PARP10: variants seen among roughly 807,000 people sequenced by gnomAD.
PARP10 encodes the protein protein mono-ADP-ribosyltransferase PARP10.
Under a neutral mutation model 82.4 loss-of-function variants are expected in PARP10, and 56 were observed. The observed-to-expected ratio is 0.68, with a 90% CI of 0.55 to 0.85. The LOEUF is 0.85. Among genes scored for constraint, PARP10 ranks in the 40% least tolerant of loss-of-function variants. PARP10 has a pLI of 0.00. For synonymous variants in PARP10, 576 were observed against 601.1 expected, an observed-to-expected ratio of 0.96 and a Z score of 0.61; for missense variants, 1,227 against 1,379.4, an observed-to-expected ratio of 0.89 and a Z score of 1.75.
upstream of PARP10, among the ~76,000 whole-genome samples, chr8:143,987,980 G>A (rs1338255566): frequency 2.0e-5 from 3 of 150,608 alleles, no homozygotes; most frequent in Admixed American, 1.3e-4. Context: ...CTGGCCCCAT[G>A]CCCCCTGCAC....
upstream of PARP10, chr8:143,991,886 A>C (rs1554750566): frequency 1.9e-6 from 3 of 1,611,314 alleles, no homozygotes; most frequent in Admixed American, 1.7e-5. Context: ...AGGTGTTCCT[A>C]GTGCTGACCT....
chr8:143,994,949 G>C (rs1260856868), upstream of PARP10, among the ~76,000 whole-genome samples: 1 of 119,644 alleles, frequency 8.4e-6, no homozygotes, highest in African/African-American at 3.8e-5. Flanking sequence ...GAGAACGTCA[G>C]GGCGGGGGCA....
Position 143,984,442 on chromosome 8 carries a change from A to G in PARP10, c.1459-11T>C. On this transcript the variant is annotated splice_polypyrimidine_tract_variant and intron_variant, in intron 5 of 10. Transcript: ENST00000313028. Reference sequence around the variant, plus strand: ...CTGGGCTCCACAGAGCTGCAGGGCCATTGCAGAGATGGAGTTTGCAGGTTT... The same window carrying G: ...CTGGGCTCCACAGAGCTGCAGGGCCGTTGCAGAGATGGAGTTTGCAGGTTT... 1 of 1,603,472 alleles carries G rather than the reference A, an allele frequency of 6.2e-7. No individual in the cohort carries two copies. The highest frequency in any genetic ancestry group is 8.5e-7 in the Non-Finnish European group (1 of 1,175,782).
upstream of PARP10, chr8:143,990,393 G>T (rs1554750267): frequency 6.6e-6 from 1 of 151,500 alleles, no homozygotes; most frequent in Admixed American, 6.6e-5. The surrounding 1 kb of genome is among the most constrained non-coding windows in gnomAD (Gnocchi z 5.6). Flanking sequence ...AGCCGCGGCG[G>T]CCTGGAGCCG....
upstream of PARP10, chr8:143,991,966 G>A (rs782608912): frequency 2.3e-5 from 37 of 1,613,396 alleles, no homozygotes; most frequent in East Asian, 4.9e-4. Context: ...GGCTTTGTCC[G>A]GGAGAATGTC....
chr8:143,986,797 C>T (rs1353251977), upstream of PARP10: 1 of 258,712 alleles, frequency 3.9e-6, no homozygotes, highest in Non-Finnish European at 7.6e-6. Context: ...ATCTCCAAGC[C>T]TCTGTGTCCA....
At chr8:143,992,517 T>C, upstream of PARP10, 2 of 1,614,186 alleles carry the variant, frequency 1.2e-6, no homozygotes, top group Middle Eastern at 1.6e-4. Context: ...AGCATGGTGG[T>C]GCTCTTCATC....
intron 1 of PARP10, among the ~76,000 whole-genome samples, chr8:144,000,908 GTTTT>G (rs781813743): frequency 1.0e-4 from 5 of 48,036 alleles, no homozygotes; most frequent in Non-Finnish European, 2.0e-4. Flanking sequence ...TTGTGTGTGT[GTTTT>G]TTTTTTTTTT....
At chr8:143,982,117 C>T (rs931787122) in intron 9 of PARP10, among the ~76,000 whole-genome samples, 8 of 152,000 alleles carry the variant, frequency 5.3e-5, no homozygotes, top group Admixed American at 2.6e-4. Context: ...CTGACCAGCT[C>T]CTGGTGGAGG....
chr8:143,986,321 C>T (rs1554749387), intron 1 of PARP10, 37 bp downstream of exon 1: 23 of 1,614,130 alleles, frequency 1.4e-5, no homozygotes, highest in Non-Finnish European at 1.9e-5. Flanking sequence ...GTCCTCAATG[C>T]TCCCCCATTA....
rs1424132899 is a variant in PARP10, at chr8:144,011,639, T to C, written c.-80+891A>G. On this transcript the variant is annotated intron_variant, in intron 1 of 3. Coordinates refer to the PARP10 transcript ENST00000530478. The surrounding 1 kb of genome is among the most constrained non-coding windows in gnomAD (Gnocchi z 4.5). ...AGATAGCTCTAAGAGAAGGGGAGCA[T>C]CATGAGGACTGAGTCCTGAGTTCTT... 1.3e-5 allele frequency among the ~76,000 whole-genome samples: 2 copies of C among 152,058 alleles called. No individual in the cohort carries two copies. The highest frequency in any genetic ancestry group is 4.8e-5 in the African/African-American group (2 of 41,408).
At position 143,983,182 on chromosome 8, in the gene PARP10, C is replaced by A; in HGVS notation, c.2407G>T (p.Ala803Ser). ...WDQSLAFPLA[A>S]SGPTLAGQTL... The stretch of plus-strand genomic sequence containing the variant: ...GTAGACTCACAGGTAGGGCCTGAAG[C>A]TGCCAAGGGAAAGGCCAAACTCTGA... Residue 803 changes from alanine to serine, a missense_variant, in exon 8 of 11, where the codon GCT (alanine) becomes TCT (serine). Coordinates refer to ENST00000313028, the MANE Select transcript of PARP10 (RefSeq NM_032789.5). 1 of 1,613,528 alleles carries A rather than the reference C, an allele frequency of 6.2e-7. No individual in the cohort carries two copies. Among genetic ancestry groups the A allele is most frequent in the Non-Finnish European group, 8.5e-7 (1 of 1,179,786 alleles).
intron 9 of PARP10, among the ~76,000 whole-genome samples, chr8:143,979,658 C>T (rs1833799804): frequency 6.6e-6 from 1 of 152,160 alleles, no homozygotes; most frequent in African/African-American, 2.4e-5. Context: ...CGCCTGTAAT[C>T]CTGGCACTTT....
In PARP10 at chr8:143,984,586, G is replaced by A. The variant is rs367831917; in HGVS notation, c.1416C>T (p.Val472=). ...HEDLLAGLGD[V]ALLPLEGPDM... is the part of the protein sequence containing the mutation. Reference sequence around the variant, plus strand: ...CCGGTCCTTCAAGTGGCAAGAGAGCGACGTCTCCCAGGCCCGCAAGAAGGT... The same window carrying A: ...CCGGTCCTTCAAGTGGCAAGAGAGCAACGTCTCCCAGGCCCGCAAGAAGGT... Residue 472 remains valine, a synonymous_variant, in exon 5 of 11, where the codon GTC becomes GTT. Transcript: ENST00000313028. 145 of 1,613,548 alleles carry A rather than the reference G, an allele frequency of 9.0e-5. No homozygotes were observed. Among genetic ancestry groups the A allele is most frequent in the Non-Finnish European group, 1.1e-4 (130 of 1,179,786 alleles).
chr8:143,985,403 C>T lies in PARP10; in HGVS notation c.673+9G>A. On this transcript the variant is annotated intron_variant, in intron 4 of 10. Transcript: ENST00000313028. ...GGACGGTCGGCTGGGTCTGCCCAGC[C>T]CCACTCACCTTGCCACTGCTGGAAG... 1 of 1,606,074 alleles carries T rather than the reference C, an allele frequency of 6.2e-7. No individual in the cohort carries two copies. The highest frequency in any genetic ancestry group is 1.7e-5 in the Admixed American group (1 of 58,882).
chr8:143,986,005 G>C, intron 2 of PARP10, 30 bp from the exon 3 acceptor site: 1 of 1,603,784 alleles, frequency 6.2e-7, no homozygotes, highest in Admixed American at 1.7e-5. Flanking sequence ...AGGATGTCAG[G>C]CATTAGAATA....
upstream of PARP10, among the ~76,000 whole-genome samples, chr8:143,987,827 G>A (rs184824502): frequency 5.3e-5 from 8 of 151,986 alleles, no homozygotes; most frequent in African/African-American, 1.9e-4. Flanking sequence ...GGAGGTGGAG[G>A]TTGCAGTGAG....
chr8:143,988,638 T>C (rs1554750014), upstream of PARP10, among the ~76,000 whole-genome samples: 1 of 151,790 alleles, frequency 6.6e-6, no homozygotes, highest in Non-Finnish European at 1.5e-5. Flanking sequence ...GCTAATTTTT[T>C]TTTGTATTTT....
In PARP10 at chr8:144,008,023, G is replaced by A. The variant is rs956487648; in HGVS notation, c.-80+4507C>T. On this transcript the variant is annotated intron_variant, in intron 1 of 3. Transcript: ENST00000530478. The surrounding 1 kb of genome is among the most constrained non-coding windows in gnomAD (Gnocchi z 4.0). ...GAGGAGTCACTGCCGACGTCCCGGAGGGCCCTGGAAGTCAAATGCCAACTG... is the reference window on the plus strand; with the variant it reads ...GAGGAGTCACTGCCGACGTCCCGGAAGGCCCTGGAAGTCAAATGCCAACTG... 1.3e-5 allele frequency among the ~76,000 whole-genome samples: 2 copies of A among 152,190 alleles called. No individual in the cohort carries two copies. The highest frequency in any genetic ancestry group is 4.1e-4 in the South Asian group (2 of 4,834).
Sources: allele counts gnomAD v4.1 joint callset (sites outside exome capture counted in the v4.1 genomes callset), GRCh38; gene constraint gnomAD v4.1.1; non-coding constraint Gnocchi (gnomAD v3.1); transcripts MANE v1.5; gene names NCBI Gene and HGNC (gene_info 2026-07-23, HGNC 2026-07-21).